Variants in CACNA1A observed in about 807,000 individuals in gnomAD.
CACNA1A encodes voltage-dependent P/Q-type calcium channel subunit alpha-1A.
A neutral mutation model predicts 262.4 loss-of-function variants in CACNA1A; 57 were observed. The observed-to-expected ratio is 0.22, with a 90% confidence interval of 0.18 to 0.27. CACNA1A has a LOEUF of 0.27. Among genes scored for constraint, CACNA1A ranks in the 10% least tolerant of loss-of-function variants. CACNA1A has a pLI of 1.00. For synonymous variants in CACNA1A, 1,431 were observed against 1,419.3 expected (o/e 1.01, Z -0.18); for missense variants, 2,526 against 3,562.8 (o/e 0.71, Z 7.41).
chr19:13,457,289 C>T (rs1437379631), intron 1 of CACNA1A, among the ~76,000 whole-genome samples: 2 of 152,010 alleles, frequency 1.3e-5, no homozygotes, highest in Non-Finnish European at 2.9e-5. Flanking sequence ...AACAAAAAAA[C>T]ACCAGTGCAA....
chr19:13,219,183 T>C (rs1377657858), intron 38 of CACNA1A, among the ~76,000 whole-genome samples: 1 of 151,294 alleles, frequency 6.6e-6, no homozygotes, highest in Non-Finnish European at 1.5e-5. Flanking sequence ...CTGGGATTAC[T>C]GGCGCCAGCC....
intron 3 of CACNA1A, among the ~76,000 whole-genome samples, chr19:13,430,190 T>C (rs1027107433): frequency 6.8e-6 from 1 of 147,154 alleles, no homozygotes; most frequent in African/African-American, 2.6e-5. Context: ...GTTATGCATA[T>C]GTTACCACAA....
intron 12 of CACNA1A, among the ~76,000 whole-genome samples, chr19:13,311,004 G>C (rs2058024571): frequency 6.6e-6 from 1 of 152,010 alleles, no homozygotes; most frequent in Non-Finnish European, 1.5e-5. Context: ...TGTTGGCCAG[G>C]CTGGTCTTGA....
intron 1 of CACNA1A, among the ~76,000 whole-genome samples, chr19:13,482,829 C>T (rs1253539597): frequency 1.3e-5 from 2 of 149,926 alleles, no homozygotes; most frequent in East Asian, 3.9e-4. Flanking sequence ...TCTTTCTCTC[C>T]CCCCTTCTTT....
chr19:13,399,849 CA>C (rs1167071069), intron 3 of CACNA1A, among the ~76,000 whole-genome samples: 3 of 152,082 alleles, frequency 2.0e-5, no homozygotes, highest in Non-Finnish European at 4.4e-5. Flanking sequence ...TGGGGAGTAA[CA>C]GTAGAAGATT....
chr19:13,443,229 C>A lies in CACNA1A; in HGVS notation c.539+9647G>T, dbSNP rs572552616. On this transcript the variant is annotated intron_variant, in intron 3 of 46. Transcript: ENST00000360228. Reference sequence around the variant, plus strand: ...TCAGTTTCAGGTGTTCTGCTATAAGCAACAGAAAACAGACTAAGACAGTAA... The same window carrying A: ...TCAGTTTCAGGTGTTCTGCTATAAGAAACAGAAAACAGACTAAGACAGTAA... Among the ~76,000 whole-genome samples, 3 of 152,182 alleles carry A rather than the reference C, an allele frequency of 2.0e-5. No homozygotes were observed. The East Asian group carries it at 5.8e-4, about 29-fold the overall frequency.
At chr19:13,455,504 G>C (rs1219282854) in intron 1 of CACNA1A, among the ~76,000 whole-genome samples, 3 of 152,174 alleles carry the variant, frequency 2.0e-5, no homozygotes, top group Non-Finnish European at 4.4e-5. Flanking sequence ...TCTGGGCTAG[G>C]GACACAGTTG....
intron 1 of CACNA1A, among the ~76,000 whole-genome samples, chr19:13,456,488 C>G (rs566540010): frequency 2.0e-5 from 3 of 151,938 alleles, no homozygotes; most frequent in African/African-American, 7.3e-5. Context: ...CTGGCTAACA[C>G]GGTGAAACCC....
intron 3 of CACNA1A, among the ~76,000 whole-genome samples, chr19:13,388,138 C>G (rs751798816): frequency 6.8e-6 from 1 of 146,688 alleles, no homozygotes; most frequent in African/African-American, 2.5e-5. Flanking sequence ...ACTTCCCATA[C>G]AGTCTATATT....
intron 30 of CACNA1A, among the ~76,000 whole-genome samples, chr19:13,249,215 T>G (rs928673596): frequency 6.6e-6 from 1 of 152,172 alleles, no homozygotes. Flanking sequence ...TTCTTCTGCC[T>G]TGGCAGAAGT....
intron 19 of CACNA1A, among the ~76,000 whole-genome samples, chr19:13,290,750 C>T (rs111340843): frequency 0.083 from 12,619 of 151,774 alleles, 945 homozygotes; most frequent in African/African-American, 0.19. Flanking sequence ...TATATATATA[C>T]ATACACATAT....
At chr19:13,246,786 T>C (rs1365486048) in intron 30 of CACNA1A, among the ~76,000 whole-genome samples, 2 of 152,088 alleles carry the variant, frequency 1.3e-5, no homozygotes, top group Non-Finnish European at 2.9e-5. Context: ...CCACCACGCC[T>C]GGCTAATTTT....
intron 3 of CACNA1A, among the ~76,000 whole-genome samples, chr19:13,439,475 C>T (rs1394488713): frequency 2.9e-5 from 4 of 140,218 alleles, no homozygotes; most frequent in East Asian, 4.3e-4. Context: ...TCTCAGCTCA[C>T]TGCAAGCTCC....
intron 3 of CACNA1A, among the ~76,000 whole-genome samples, chr19:13,418,036 C>T (rs962141369): frequency 6.6e-6 from 1 of 151,962 alleles, no homozygotes; most frequent in Non-Finnish European, 1.5e-5. Flanking sequence ...AAAAAGGTAT[C>T]TGTGACAATA....
At chr19:13,228,802 G>A (rs200529712) in intron 36 of CACNA1A, 1 of 1,533,056 alleles carries the variant, frequency 6.5e-7, no homozygotes, top group Non-Finnish European at 8.9e-7. Context: ...ACCGCTGAAA[G>A]GAGAAGAAAG....
chr19:13,416,448 G>A (rs527448491), intron 3 of CACNA1A, among the ~76,000 whole-genome samples: 11 of 152,220 alleles, frequency 7.2e-5, no homozygotes, highest in Non-Finnish European at 1.2e-4. Context: ...TCGGGAGGCC[G>A]AGGCGGTGGA....
In CACNA1A at chr19:13,312,777, A is replaced by G. The variant is rs1431177448; in HGVS notation, c.1560T>C (p.Tyr520=). The change falls in exon 12 of 47, where the codon TAT becomes TAC. Residue 520 remains tyrosine, a synonymous_variant. Coordinates refer to ENST00000360228, the MANE Select transcript of CACNA1A (RefSeq NM_001127222.2). ...AGAGTCCTAAGAAAATGAATTCTGC[A>G]TAGTCTAGAAGGGAGAAGGAGGAAA... ...QPEWLSDFLY[Y]AEFIFLGLFM... 7 of 1,541,928 alleles carry G rather than the reference A, an allele frequency of 4.5e-6. No individual in the cohort carries two copies. Among genetic ancestry groups the G allele is most frequent in the Non-Finnish European group, 6.2e-6 (7 of 1,128,264 alleles).
intron 37 of CACNA1A, 122 bp downstream of exon 37, chr19:13,227,306 AAAG>A (rs1029561035): frequency 3.3e-5 from 16 of 483,404 alleles, no homozygotes; most frequent in African/African-American, 1.8e-4. Context: ...CAAAAACAAA[AAAG>A]AAGAGAAACG....
At chr19:13,219,882 G>T (rs1685027702) in intron 38 of CACNA1A, among the ~76,000 whole-genome samples, 1 of 151,764 alleles carries the variant, frequency 6.6e-6, no homozygotes, top group South Asian at 2.1e-4. Context: ...CCCGGGAGAT[G>T]GAGGTTGCAG....
Sources: allele counts gnomAD v4.1 joint callset (sites outside exome capture counted in the v4.1 genomes callset), GRCh38; gene constraint gnomAD v4.1.1; transcripts MANE v1.5; gene names NCBI Gene and HGNC (gene_info 2026-07-23, HGNC 2026-07-21).